SLC7A9: variants seen among roughly 807,000 people sequenced by gnomAD.
SLC7A9 encodes solute carrier family 7 member 9, also known as B(0,+)-type amino acid transporter 1.
SLC7A9 carries 38 observed loss-of-function variants against 54.1 expected under a neutral mutation model. The observed-to-expected ratio is 0.70, with a 90% CI of 0.54 to 0.92. The LOEUF (loss-of-function observed/expected upper bound fraction) is 0.92. Among genes scored for constraint, SLC7A9 ranks in the 40% least tolerant of loss-of-function variants. SLC7A9 has a pLI of 0.00. For missense variants in SLC7A9, 537 were observed against 636.1 expected, an observed-to-expected ratio of 0.84 and a Z score of 1.68; for synonymous variants, 264 against 258.9, an observed-to-expected ratio of 1.02 and a Z score of -0.19.
At chr19:32,851,922 C>CA (rs1329358161) in intron 9 of SLC7A9, among the ~76,000 whole-genome samples, 1 of 149,704 alleles carries the variant, frequency 6.7e-6, no homozygotes, top group African/African-American at 2.5e-5. Flanking sequence ...ATTGCAAGGA[C>CA]AAAAAACCAA....
intron 9 of SLC7A9, among the ~76,000 whole-genome samples, chr19:32,854,601 T>G (rs1343324548): frequency 6.6e-6 from 1 of 152,120 alleles, no homozygotes; most frequent in Non-Finnish European, 1.5e-5. Context: ...TTGTTGTTGT[T>G]TTTGAGACGG....
intron 11 of SLC7A9, 74 bp downstream of exon 11, chr19:32,842,094 T>C: frequency 1.4e-6 from 2 of 1,438,050 alleles, no homozygotes; most frequent in Non-Finnish European, 2.0e-6. Flanking sequence ...GGCATGCCCC[T>C]AGCATTTGAA....
chr19:32,862,247 G>T, intron 5 of SLC7A9, 30 bp from the exon 6 acceptor site: 1 of 1,565,014 alleles, frequency 6.4e-7, no homozygotes, highest in Non-Finnish European at 8.8e-7. Context: ...TGAACGGCGG[G>T]TGTCAACCGG....
intron 2 of SLC7A9, among the ~76,000 whole-genome samples, chr19:32,866,283 GCT>G (rs754058289): frequency 6.6e-6 from 1 of 152,178 alleles, no homozygotes; most frequent in Non-Finnish European, 1.5e-5. Flanking sequence ...GATGGGCTCA[GCT>G]CTCCTCCTCA....
At chr19:32,864,969 A>G (rs1169699218) in intron 2 of SLC7A9, among the ~76,000 whole-genome samples, 193 bp from the exon 3 acceptor site, 9 of 152,184 alleles carry the variant, frequency 5.9e-5, no homozygotes, top group Non-Finnish European at 1.3e-4. Flanking sequence ...AACGTGATTA[A>G]TTATCGTGAC....
intron 12 of SLC7A9, chr19:32,832,912 A>G (rs1330731881): frequency 2.0e-6 from 1 of 510,634 alleles, no homozygotes; most frequent in Non-Finnish European, 3.6e-6. Context: ...GTGTCTCCAA[A>G]AAGAAAAGAA....
chr19:32,857,273 A>G (rs1320866790), intron 9 of SLC7A9, among the ~76,000 whole-genome samples: 1 of 151,786 alleles, frequency 6.6e-6, no homozygotes, highest in Non-Finnish European at 1.5e-5. Context: ...GTGAAACCCC[A>G]TCTTGACTAA....
At chr19:32,864,512 G>T in intron 3 of SLC7A9, 117 bp downstream of exon 3, 2 of 1,530,578 alleles carry the variant, frequency 1.3e-6, no homozygotes, top group South Asian at 2.3e-5. Context: ...ATTTACACCT[G>T]TTTGCCATAC....
rs1360311668 is a variant in SLC7A9 at position 32,832,602 on chromosome 19, AAAG to A, written c.1399+544_1399+546del. On this transcript the variant is annotated intron_variant, in intron 12 of 12. Transcript: ENST00000023064. Reference sequence around the variant, plus strand: ...GACTGTGTCTCAAAAAAAAAAAAAAAAAGAAAGAAAGAAAGAAAAAGAAAAACG... The same window carrying A: ...GACTGTGTCTCAAAAAAAAAAAAAAAAAAGAAAGAAAGAAAAAGAAAAACG... 9.5e-3 allele frequency among the ~76,000 whole-genome samples: 1,347 copies of A among 142,322 alleles called. 19 individuals are homozygous for A. The highest frequency in any genetic ancestry group is 0.033 in the African/African-American group (1,205 of 37,002). The allele number at this position is 142,322 out of a possible 152,430, so 93.4% of individuals were successfully genotyped here. A position where few individuals can be genotyped will look rare whatever the true frequency, so the allele number is the denominator to read the frequency against.
chr19:32,842,454 G>A (rs1392105788), intron 10 of SLC7A9, 137 bp from the exon 11 acceptor site: 2 of 824,070 alleles, frequency 2.4e-6, no homozygotes, highest in Admixed American at 4.0e-5. Flanking sequence ...CTTCATAGTT[G>A]GGGTTAAACC....
chr19:32,848,298 C>A (rs1255527315), intron 9 of SLC7A9, among the ~76,000 whole-genome samples: 1 of 143,502 alleles, frequency 7.0e-6, no homozygotes, highest in Non-Finnish European at 1.5e-5. Flanking sequence ...ACCTATCTCA[C>A]ATGCAGAGAC....
intron 2 of SLC7A9, among the ~76,000 whole-genome samples, chr19:32,866,774 G>A (rs1032221288): frequency 3.1e-4 from 47 of 152,196 alleles, no homozygotes; most frequent in South Asian, 2.1e-4. Flanking sequence ...CCAGCCCTCC[G>A]GTCAAGCCCT....
chr19:32,838,852 T>C (rs1303403334), intron 11 of SLC7A9, among the ~76,000 whole-genome samples: 1 of 150,030 alleles, frequency 6.7e-6, no homozygotes, highest in Non-Finnish European at 1.5e-5. Context: ...TATACACATA[T>C]ATAGTACACA....
Position 32,860,230 on chromosome 19 carries a change from C to T in SLC7A9, c.750-266G>A, listed in dbSNP as rs149966208. On this transcript the variant is annotated intron_variant, in intron 7 of 12. Coordinates refer to ENST00000023064, the MANE Select transcript of SLC7A9 (RefSeq NM_014270.5). ...AGCCACTGCTCTGTCCCAAACCAAACCAAACTCTAAGCGTGCATAGTGAGC... is the reference window on the plus strand; with the variant it reads ...AGCCACTGCTCTGTCCCAAACCAAATCAAACTCTAAGCGTGCATAGTGAGC... 0.02 allele frequency: 28,174 copies of T among 1,425,676 alleles called. 315 individuals carry two copies. Among genetic ancestry groups the T allele is most frequent in the Non-Finnish European group, 0.023 (24,830 of 1,091,408 alleles). 88.3% of individuals were successfully genotyped at this position (1,425,676 alleles called of 1,614,324 possible).
intron 11 of SLC7A9, among the ~76,000 whole-genome samples, chr19:32,836,840 A>C (rs969056938): frequency 7.2e-5 from 11 of 152,208 alleles, no homozygotes; most frequent in African/African-American, 2.7e-4. Flanking sequence ...AGCCTTTAGC[A>C]TGGCCTGTCT....
At chr19:32,868,328 T>A in intron 2 of SLC7A9, 120 bp downstream of exon 2, 1 of 708,930 alleles carries the variant, frequency 1.4e-6, no homozygotes, top group Non-Finnish European at 2.6e-6. Flanking sequence ...ACTTCACAAA[T>A]CAAAGAGTAC....
chr19:32,836,422 T>C (rs1239919257), intron 11 of SLC7A9, among the ~76,000 whole-genome samples: 1 of 152,238 alleles, frequency 6.6e-6, no homozygotes, highest in Non-Finnish European at 1.5e-5. Flanking sequence ...TTTTTTCTTT[T>C]ATCAATTTCC....
At position 32,838,752 on chromosome 19, in the gene SLC7A9, CAT is replaced by C. The variant is rs200520874; in HGVS notation, c.1224+3414_1224+3415del. Among the ~76,000 whole-genome samples the C allele has an allele frequency of 6.9e-3, 1,020 of 147,608 alleles. 9 individuals are homozygous for C. Among genetic ancestry groups the C allele is most frequent in the African/African-American group, 0.024 (967 of 40,584 alleles). On this transcript the variant is annotated intron_variant, in intron 11 of 12. Coordinates refer to ENST00000023064, the MANE Select transcript of SLC7A9 (RefSeq NM_014270.5). The stretch of plus-strand genomic sequence containing the variant: ...TGTATAACAGACATGTAATGATACA[CAT>C]ATACATATATACATATATGCACATA...
intron 11 of SLC7A9, among the ~76,000 whole-genome samples, chr19:32,841,445 G>C (rs1968124520): frequency 6.6e-6 from 1 of 152,094 alleles, no homozygotes; most frequent in Admixed American, 6.6e-5. Context: ...TATGAAAGGA[G>C]GCCGGCATAG....
Sources: gnomAD v4.1 joint callset for allele counts (sites outside exome capture counted in the v4.1 genomes callset) on GRCh38, gnomAD v4.1.1 for gene constraint, MANE v1.5 for transcripts, NCBI Gene and HGNC (gene_info 2026-07-23, HGNC 2026-07-21) for gene names.